Variants in EXOC4 observed in about 807,000 individuals in gnomAD.
EXOC4 encodes SEC8-like 1.
Under a neutral mutation model 107.2 loss-of-function variants are expected in EXOC4, and 71 were observed. The observed-to-expected ratio is 0.66, with a 90% CI of 0.55 to 0.81. The LOEUF (loss-of-function observed/expected upper bound fraction) is 0.81, where lower values mean the gene tolerates loss of function less well. EXOC4 is among the 30% of genes least tolerant of loss of function. The pLI, the probability that EXOC4 is intolerant of heterozygous loss-of-function variation, is 0.00. For missense variants in EXOC4, 1,108 were observed against 1,189.6 expected (o/e 0.93, Z 1.01); for synonymous variants, 456 against 441.2 (o/e 1.03, Z -0.42).
chr7:133,553,787 A>G (rs1191023182), intron 9 of EXOC4, among the ~76,000 whole-genome samples: 4 of 152,110 alleles, frequency 2.6e-5, no homozygotes, highest in Non-Finnish European at 4.4e-5. Context: ...GTGAGAGGTG[A>G]TCCTAGGTTT....
intron 9 of EXOC4, among the ~76,000 whole-genome samples, chr7:133,605,091 G>C (rs942354667): frequency 6.6e-6 from 1 of 152,054 alleles, no homozygotes. Context: ...TTCATAGGTT[G>C]TTAGGTATTC....
At chr7:133,328,090 A>G (rs1255578565) in intron 5 of EXOC4, among the ~76,000 whole-genome samples, 2 of 152,064 alleles carry the variant, frequency 1.3e-5, no homozygotes, top group Non-Finnish European at 2.9e-5. Context: ...CTTCCTAAGA[A>G]CTTGCTTTAT....
rs551972112 is a variant in EXOC4, at chr7:133,381,992, T to C, written c.1182+6990T>C. ...TGGGGGCGGGACCTTCAGGTGATTC[T>C]TATGCACACTGAAGTTTGAGGACCT... On this transcript the variant is annotated intron_variant, in intron 7 of 17. Transcript: ENST00000253861. Among the ~76,000 whole-genome samples, 5 of 152,284 alleles carry C rather than the reference T, an allele frequency of 3.3e-5. No individual in the cohort carries two copies. The East Asian group carries it at 9.6e-4, about 29-fold the overall frequency.
At chr7:134,045,225 A>T (rs1795621764) in intron 17 of EXOC4, among the ~76,000 whole-genome samples, 1 of 152,212 alleles carries the variant, frequency 6.6e-6, no homozygotes. Context: ...AGTTGTTCCC[A>T]ATTCTAACCT....
intron 10 of EXOC4, among the ~76,000 whole-genome samples, chr7:133,722,729 T>G (rs568619914): frequency 3.9e-5 from 6 of 152,308 alleles, no homozygotes; most frequent in African/African-American, 1.4e-4. Flanking sequence ...AAAATTTCAC[T>G]GCCATTCAAA....
At chr7:134,007,653 C>A in intron 16 of EXOC4, 23 bp from the exon 17 acceptor site, 1 of 1,584,274 alleles carries the variant, frequency 6.3e-7, no homozygotes, top group South Asian at 1.2e-5. Flanking sequence ...TTTTCTTTGC[C>A]CCGCACTGTG....
In EXOC4 at chr7:133,253,194, G is replaced by A; in HGVS notation, c.86+7G>A. ...TGCTCATCTCTGTGATCAGGTGAGG[G>A]AGGCAGGAGGCAGGGTCTGGGGACT... On this transcript the variant is annotated splice_region_variant and intron_variant, in intron 1 of 17. Transcript: ENST00000253861. 1 of 1,613,324 alleles carries A rather than the reference G, an allele frequency of 6.2e-7. No homozygotes were observed. The highest frequency in any genetic ancestry group is 8.5e-7 in the Non-Finnish European group (1 of 1,179,390).
chr7:133,468,314 A>G (rs990510832), intron 7 of EXOC4, among the ~76,000 whole-genome samples: 6 of 152,142 alleles, frequency 3.9e-5, no homozygotes, highest in Non-Finnish European at 7.3e-5. Flanking sequence ...CTTTATTTTC[A>G]AAATGAAGAA....
At chr7:134,036,403 T>A (rs1036794103) in intron 17 of EXOC4, among the ~76,000 whole-genome samples, 2 of 152,020 alleles carry the variant, frequency 1.3e-5, no homozygotes, top group Non-Finnish European at 2.9e-5. Context: ...GCCCAGCAAA[T>A]ATGAGGAAAC....
intron 7 of EXOC4, among the ~76,000 whole-genome samples, chr7:133,427,705 C>T (rs961055076): frequency 6.6e-5 from 10 of 152,138 alleles, no homozygotes; most frequent in Admixed American, 2.0e-4. Context: ...CTCTCTTTGC[C>T]GGTTTTCTCC....
At chr7:133,453,885 TA>T (rs776037069) in intron 7 of EXOC4, among the ~76,000 whole-genome samples, 4 of 152,230 alleles carry the variant, frequency 2.6e-5, no homozygotes, top group Non-Finnish European at 4.4e-5. Context: ...TCTTTGTATA[TA>T]AAAAATGCTT....
chr7:133,522,298 C>G (rs570612287), intron 9 of EXOC4, among the ~76,000 whole-genome samples: 3 of 152,100 alleles, frequency 2.0e-5, no homozygotes, highest in Non-Finnish European at 4.4e-5. Flanking sequence ...AGTGATTTTT[C>G]TCCATTATAG....
intron 11 of EXOC4, among the ~76,000 whole-genome samples, chr7:133,828,202 G>A (rs893493928): frequency 2.6e-5 from 4 of 152,146 alleles, no homozygotes; most frequent in African/African-American, 9.7e-5. Context: ...TTAGAGGGCT[G>A]CCTTTGCCTG....
intron 2 of EXOC4, among the ~76,000 whole-genome samples, chr7:133,281,941 A>G (rs904453696): frequency 3.3e-5 from 5 of 152,066 alleles, no homozygotes; most frequent in African/African-American, 7.2e-5. Context: ...GACTTCAGGT[A>G]ATCTGCCCAA....
chr7:134,042,296 A>G (rs1476547468), intron 17 of EXOC4, among the ~76,000 whole-genome samples: 2 of 152,212 alleles, frequency 1.3e-5, no homozygotes, highest in Non-Finnish European at 2.9e-5. Context: ...TATTTCAACT[A>G]AGTGCTTTGT....
intron 17 of EXOC4, among the ~76,000 whole-genome samples, chr7:134,045,181 A>G (rs1795620136): frequency 6.6e-6 from 1 of 152,210 alleles, no homozygotes; most frequent in Admixed American, 6.5e-5. Context: ...TCATTAGTGA[A>G]TCTTTGGCTG....
At chr7:133,765,584 G>A (rs545433960) in intron 10 of EXOC4, among the ~76,000 whole-genome samples, 36 of 152,006 alleles carry the variant, frequency 2.4e-4, no homozygotes, top group Admixed American at 6.6e-4. Context: ...AGGGAGTGTG[G>A]TATTTTAAGA....
chr7:133,770,383 C>T (rs2151161795), intron 10 of EXOC4, among the ~76,000 whole-genome samples: 2 of 152,010 alleles, frequency 1.3e-5, no homozygotes, highest in Middle Eastern at 6.8e-3. Flanking sequence ...TAGGCTACAC[C>T]TCCTTCTTTT....
chr7:133,526,865 G>A (rs1036670404), intron 9 of EXOC4, among the ~76,000 whole-genome samples: 4 of 152,028 alleles, frequency 2.6e-5, no homozygotes, highest in Non-Finnish European at 5.9e-5. Context: ...CCAGCTACTC[G>A]GGAGGCTGAG....
Sources: allele counts gnomAD v4.1 joint callset (sites outside exome capture counted in the v4.1 genomes callset), GRCh38; gene constraint gnomAD v4.1.1; transcripts MANE v1.5; gene names NCBI Gene and HGNC (gene_info 2026-07-23, HGNC 2026-07-21).